The following CADPS variants were observed in gnomAD, a reference collection of about 807,000 sequenced individuals.
CADPS encodes the protein calcium dependent secretion activator.
Under a neutral mutation model 167.3 loss-of-function variants are expected in CADPS, and 57 were observed. That is an observed-to-expected ratio of 0.34 (90% CI 0.28 to 0.42). CADPS has a LOEUF of 0.42. Among genes scored for constraint, CADPS ranks in the 20% least tolerant of loss-of-function variants. The pLI, the probability that CADPS is intolerant of heterozygous loss-of-function variation, is 1.00. For missense variants in CADPS, 1,414 were observed against 1,738.1 expected (o/e 0.81, Z 3.32); for synonymous variants, 676 against 635.3 (o/e 1.06, Z -0.96).
At chr3:62,590,943 C>T (rs938193158) in intron 7 of CADPS, among the ~76,000 whole-genome samples, 4 of 152,086 alleles carry the variant, frequency 2.6e-5, no homozygotes, top group African/African-American at 7.2e-5. Flanking sequence ...CAACTTCTGC[C>T]TCCCGGGTTC....
intron 28 of CADPS, among the ~76,000 whole-genome samples, chr3:62,409,145 T>C (rs917551963): frequency 6.6e-6 from 1 of 152,230 alleles, no homozygotes; most frequent in African/African-American, 2.4e-5. Context: ...GAAAAGGGCA[T>C]AGATAGGTTA....
intron 1 of CADPS, among the ~76,000 whole-genome samples, chr3:62,860,590 C>T (rs768185185): frequency 9.9e-5 from 15 of 152,272 alleles, no homozygotes; most frequent in African/African-American, 2.6e-4. Context: ...TTCAAACCCA[C>T]GTTGGTCAAG....
At chr3:62,754,645 T>C (rs1197285169) in intron 2 of CADPS, among the ~76,000 whole-genome samples, 1 of 152,190 alleles carries the variant, frequency 6.6e-6, no homozygotes, top group Non-Finnish European at 1.5e-5. Flanking sequence ...TGTGCCAATA[T>C]GCCTCGATAA....
intron 3 of CADPS, among the ~76,000 whole-genome samples, chr3:62,707,432 C>T (rs1316159399): frequency 6.6e-6 from 1 of 152,226 alleles, no homozygotes; most frequent in East Asian, 1.9e-4. Context: ...GACTACATCA[C>T]CATTATATCC....
At chr3:62,442,283 C>T (rs577592072) in intron 27 of CADPS, among the ~76,000 whole-genome samples, 1 of 151,446 alleles carries the variant, frequency 6.6e-6, no homozygotes, top group South Asian at 2.1e-4. Flanking sequence ...ACAATCTCGG[C>T]TCACTGCAAT....
chr3:62,840,664 T>C (rs2076529207), intron 1 of CADPS, among the ~76,000 whole-genome samples: 1 of 152,186 alleles, frequency 6.6e-6, no homozygotes, highest in South Asian at 2.1e-4. Flanking sequence ...GTCAAAAGCC[T>C]GAGTCCCTGG....
At chr3:62,846,659 A>AT (rs1179440800) in intron 1 of CADPS, among the ~76,000 whole-genome samples, 2 of 151,790 alleles carry the variant, frequency 1.3e-5, no homozygotes, top group South Asian at 2.1e-4. Flanking sequence ...GTTTTTTGGT[A>AT]TTTTTTTGTT....
In CADPS at chr3:62,783,696, CTG is replaced by C. The variant is rs546231845; in HGVS notation, c.442-17714_442-17713del. Among the ~76,000 whole-genome samples the C allele has an allele frequency of 7.9e-5, 12 of 152,268 alleles. No homozygotes were observed. In the South Asian group the frequency reaches 2.1e-3, roughly 26 times the overall value. On this transcript the variant is annotated intron_variant, in intron 1 of 29. Coordinates refer to ENST00000383710, the MANE Select transcript of CADPS (RefSeq NM_003716.4). Reference sequence around the variant, plus strand: ...AAGTATTACTTATAATAGCAAATGTCTGTTACTGGGGACTGGTTAAATAACAA... The same window carrying C: ...AAGTATTACTTATAATAGCAAATGTCTTACTGGGGACTGGTTAAATAACAA...
At chr3:62,740,987 T>C (rs1231896695) in intron 3 of CADPS, among the ~76,000 whole-genome samples, 4 of 152,224 alleles carry the variant, frequency 2.6e-5, no homozygotes, top group South Asian at 4.1e-4. Context: ...CAAATTGCAT[T>C]GTATACTTAT....
At chr3:62,691,153 G>A (rs1449871187) in intron 3 of CADPS, among the ~76,000 whole-genome samples, 1 of 151,998 alleles carries the variant, frequency 6.6e-6, no homozygotes, top group Admixed American at 6.6e-5. Context: ...ATCGGTGGTT[G>A]TCAGTGGTTG....
chr3:62,461,757 C>G (rs550169588), intron 26 of CADPS, among the ~76,000 whole-genome samples: 1 of 152,320 alleles, frequency 6.6e-6, no homozygotes, highest in South Asian at 2.1e-4. Flanking sequence ...ATCACCTCCC[C>G]GCTTTCTCTT....
At chr3:62,501,866 T>C (rs1450312292) in intron 17 of CADPS, among the ~76,000 whole-genome samples, 2 of 152,248 alleles carry the variant, frequency 1.3e-5, no homozygotes, top group African/African-American at 4.8e-5. Flanking sequence ...TAGATACACA[T>C]AAATTGTGCA....
chr3:62,769,367 G>C (rs993830418), intron 1 of CADPS, among the ~76,000 whole-genome samples: 20 of 151,926 alleles, frequency 1.3e-4, no homozygotes, highest in Admixed American at 1.3e-3. Context: ...AAGTAGCTGG[G>C]ACTATGGGTG....
intron 3 of CADPS, among the ~76,000 whole-genome samples, chr3:62,714,281 T>C (rs1015882714): frequency 6.6e-6 from 1 of 152,238 alleles, no homozygotes; most frequent in Non-Finnish European, 1.5e-5. Flanking sequence ...AAAGGAATTA[T>C]ATATACATTA....
chr3:62,751,668 G>A (rs557631676), intron 3 of CADPS, among the ~76,000 whole-genome samples: 8 of 152,060 alleles, frequency 5.3e-5, no homozygotes, highest in East Asian at 1.9e-4. Flanking sequence ...TAATCCACCC[G>A]TCTTAGCCTC....
intron 2 of CADPS, among the ~76,000 whole-genome samples, chr3:62,755,784 A>G (rs2083751313): frequency 6.6e-6 from 1 of 152,200 alleles, no homozygotes; most frequent in Non-Finnish European, 1.5e-5. Flanking sequence ...AATAGTTTCA[A>G]ATGAATCCTC....
chr3:62,714,567 A>T (rs1245404356), intron 3 of CADPS, among the ~76,000 whole-genome samples: 1 of 152,190 alleles, frequency 6.6e-6, no homozygotes, highest in Non-Finnish European at 1.5e-5. Flanking sequence ...AAAGCAAGAC[A>T]TAGAAAGAAG....
At chr3:62,709,591 G>A (rs1167177027) in intron 3 of CADPS, among the ~76,000 whole-genome samples, 19 of 151,846 alleles carry the variant, frequency 1.3e-4, no homozygotes, top group African/African-American at 3.9e-4. Flanking sequence ...TTAGGCATAT[G>A]CCCGACCTAG....
chr3:62,766,192 A>T (rs1216091630), intron 1 of CADPS, among the ~76,000 whole-genome samples: 3 of 152,330 alleles, frequency 2.0e-5, no homozygotes, highest in Admixed American at 1.3e-4. Flanking sequence ...AAATTATATT[A>T]AAAACAAAGT....
Sources: gnomAD v4.1 joint callset for allele counts (sites outside exome capture counted in the v4.1 genomes callset) on GRCh38, gnomAD v4.1.1 for gene constraint, MANE v1.5 for transcripts, NCBI Gene and HGNC (gene_info 2026-07-23, HGNC 2026-07-21) for gene names.